The following MBNL2 variants were observed in gnomAD, a reference collection of about 807,000 sequenced individuals.
MBNL2 encodes the protein muscleblind like splicing regulator 2.
MBNL2 carries 17 observed loss-of-function variants against 41.9 expected under a neutral mutation model. The observed-to-expected ratio is 0.41, with a 90% CI of 0.28 to 0.61. The LOEUF (loss-of-function observed/expected upper bound fraction) is 0.61, where lower values mean the gene tolerates loss of function less well. Ranked by LOEUF, MBNL2 falls within the 20% of genes least tolerant of loss-of-function variation. MBNL2 has a pLI of 0.35. For missense variants in MBNL2, 336 were observed against 505.6 expected, an observed-to-expected ratio of 0.66 and a Z score of 3.22; for synonymous variants, 195 against 182.9, an observed-to-expected ratio of 1.07 and a Z score of -0.53.
At chr13:97,389,932 T>G (rs2066265908) in intron 8 of MBNL2, among the ~76,000 whole-genome samples, 1 of 152,216 alleles carries the variant, frequency 6.6e-6, no homozygotes, top group Non-Finnish European at 1.5e-5. Flanking sequence ...TATTACCTAT[T>G]GGCAATGATA....
At chr13:97,237,368 A>G (rs1461118850) in intron 1 of MBNL2, among the ~76,000 whole-genome samples, 1 of 152,248 alleles carries the variant, frequency 6.6e-6, no homozygotes, top group African/African-American at 2.4e-5. Context: ...TTGGCTATAG[A>G]AAAGTTTGCA....
the MBNL2 span, among the ~76,000 whole-genome samples, chr13:97,205,369 G>A: frequency 6.6e-6 from 1 of 151,314 alleles, no homozygotes; most frequent in Admixed American, 6.6e-5. Context: ...TAGCCTGGGT[G>A]ACAGAGCGAG....
chr13:97,298,462 T>G (rs2057292370), intron 2 of MBNL2, among the ~76,000 whole-genome samples: 1 of 152,184 alleles, frequency 6.6e-6, no homozygotes, highest in East Asian at 1.9e-4. Context: ...AGGCACTGAA[T>G]GAGTATGTCT....
the MBNL2 span, among the ~76,000 whole-genome samples, chr13:97,146,044 T>C: frequency 6.6e-6 from 1 of 151,768 alleles, no homozygotes; most frequent in Admixed American, 6.6e-5. Flanking sequence ...AGTACAGTGG[T>C]GTGTGGCATG....
At chr13:97,170,415 A>G in the MBNL2 span, among the ~76,000 whole-genome samples, 1 of 152,344 alleles carries the variant, frequency 6.6e-6, no homozygotes, top group Non-Finnish European at 1.5e-5. Context: ...CAAAGATGAC[A>G]GCATTGCTGT....
intron 1 of MBNL2, among the ~76,000 whole-genome samples, chr13:97,246,232 T>C (rs1003610892): frequency 6.6e-6 from 1 of 151,926 alleles, no homozygotes; most frequent in Non-Finnish European, 1.5e-5. Context: ...TTAAGAACTT[T>C]AGCATTTTTG....
rs562971854 is a variant in MBNL2 at position 97,334,137 on chromosome 13, C to T, written c.175-139C>T. The T allele has an allele frequency of 4.1e-4, 222 of 548,120 alleles. No individual in the cohort carries two copies. Among genetic ancestry groups the T allele is most frequent in the South Asian group, 3.4e-3 (116 of 34,282 alleles). 34.0% of individuals were successfully genotyped at this position (548,120 alleles called of 1,614,324 possible). A position where few individuals can be genotyped will look rare whatever the true frequency, so the allele number is the denominator to read the frequency against. ...TTTCCCCAACAAACACATGAGCATGCGCGCGCACACCCACACACACACACA... is the reference window on the plus strand; with the variant it reads ...TTTCCCCAACAAACACATGAGCATGTGCGCGCACACCCACACACACACACA... On this transcript the variant is annotated intron_variant, in intron 2 of 8. Coordinates refer to ENST00000679496, the MANE Select transcript of MBNL2 (RefSeq NM_001382683.1). The surrounding 1 kb of genome is among the most constrained non-coding windows in gnomAD (Gnocchi z 5.3).
At chr13:97,349,851 G>C (rs571215638) in intron 5 of MBNL2, among the ~76,000 whole-genome samples, 8 of 152,206 alleles carry the variant, frequency 5.3e-5, no homozygotes, top group Non-Finnish European at 1.2e-4. Context: ...CAAGGCTTTG[G>C]ACCTCTATAG....
intron 2 of MBNL2, among the ~76,000 whole-genome samples, chr13:97,285,909 C>G (rs185443055): frequency 6.6e-6 from 1 of 152,204 alleles, no homozygotes; most frequent in African/African-American, 2.4e-5. Context: ...ATACTGGACT[C>G]TCTCCAGACT....
Position 97,260,628 on chromosome 13 carries a change from T to C in MBNL2, c.-604-15004T>C, listed in dbSNP as rs146688523. 2.5e-3 allele frequency among the ~76,000 whole-genome samples: 385 copies of C among 152,264 alleles called. 1 individual carries two copies. The highest frequency in any genetic ancestry group is 4.6e-3 in the Non-Finnish European group (313 of 68,026). On this transcript the variant is annotated intron_variant, in intron 1 of 8. Coordinates refer to ENST00000679496, the MANE Select transcript of MBNL2 (RefSeq NM_001382683.1). ...CAGAGGCATCTGCCATTGGATCAGATGTAGGGTATCGGAGAGAGGGAGGAG... is the reference window on the plus strand; with the variant it reads ...CAGAGGCATCTGCCATTGGATCAGACGTAGGGTATCGGAGAGAGGGAGGAG...
chr13:97,142,218 T>C, the MBNL2 span, among the ~76,000 whole-genome samples: 1 of 152,136 alleles, frequency 6.6e-6, no homozygotes, highest in African/African-American at 2.4e-5. Context: ...TATAAAACAG[T>C]AGAAAGTTGT....
the MBNL2 span, among the ~76,000 whole-genome samples, chr13:97,197,940 T>G: frequency 2.0e-5 from 3 of 152,194 alleles, no homozygotes; most frequent in African/African-American, 7.2e-5. Context: ...TTAGTAGAAA[T>G]AAGACTCTTG....
the MBNL2 span, among the ~76,000 whole-genome samples, chr13:97,182,321 A>T: frequency 6.6e-6 from 1 of 152,258 alleles, no homozygotes; most frequent in Non-Finnish European, 1.5e-5. Flanking sequence ...GGACGAAGGA[A>T]GTCATAAATA....
chr13:97,313,381 C>T (rs1338932367), intron 2 of MBNL2, among the ~76,000 whole-genome samples: 8 of 152,228 alleles, frequency 5.3e-5, no homozygotes, highest in Non-Finnish European at 2.9e-5. Context: ...GGACCCACTG[C>T]TGCACAGAAG....
intron 5 of MBNL2, among the ~76,000 whole-genome samples, chr13:97,350,355 G>A (rs2062327416): frequency 6.6e-6 from 1 of 152,196 alleles, no homozygotes; most frequent in Admixed American, 6.5e-5. Flanking sequence ...TGACTGATTA[G>A]GGTGGTGACT....
chr13:97,239,720 G>A (rs1361659327), intron 1 of MBNL2, among the ~76,000 whole-genome samples: 1 of 152,214 alleles, frequency 6.6e-6, no homozygotes, highest in Non-Finnish European at 1.5e-5. Flanking sequence ...GTTCTCTGGA[G>A]CGTCCTAACT....
chr13:97,251,641 C>A (rs2046527977), intron 1 of MBNL2, among the ~76,000 whole-genome samples: 1 of 152,052 alleles, frequency 6.6e-6, no homozygotes, highest in African/African-American at 2.4e-5. Flanking sequence ...TGTCTATTAT[C>A]CATGAAAGAT....
chr13:97,287,918 G>GTTTTTT lies in MBNL2; in HGVS notation c.174+11514_174+11519dup, dbSNP rs11423615. On this transcript the variant is annotated intron_variant, in intron 2 of 8. Coordinates refer to ENST00000679496, the MANE Select transcript of MBNL2 (RefSeq NM_001382683.1). ...TGCCACCAGGCCCGGCTAATTTTCT[G>GTTTTTT]TTTTTTTTTTGTTTTGTTTTGTTTT... Among the ~76,000 whole-genome samples the GTTTTTT allele has an allele frequency of 1.1e-3, 141 of 124,582 alleles. 7 individuals carry two copies. The highest frequency in any genetic ancestry group is 4.9e-3 in the African/African-American group (140 of 28,746). 81.7% of individuals were successfully genotyped at this position (124,582 alleles called of 152,430 possible).
chr13:97,290,682 C>CAAAAAA (rs144219795), intron 2 of MBNL2, among the ~76,000 whole-genome samples: 2 of 114,926 alleles, frequency 1.7e-5, no homozygotes, highest in Non-Finnish European at 1.8e-5. Context: ...GACTCCGTCT[C>CAAAAAA]AAAAAAAAAA....
Sources: allele counts gnomAD v4.1 joint callset (sites outside exome capture counted in the v4.1 genomes callset), GRCh38; gene constraint gnomAD v4.1.1; non-coding constraint Gnocchi (gnomAD v3.1); transcripts MANE v1.5; gene names NCBI Gene and HGNC (gene_info 2026-07-23, HGNC 2026-07-21).